The following KIAA0513 variants were observed in gnomAD, a reference collection of about 807,000 sequenced individuals.
The protein encoded by KIAA0513 is uncharacterized protein KIAA0513.
Under a neutral mutation model 56.5 loss-of-function variants are expected in KIAA0513, and 39 were observed. The ratio of observed to expected loss-of-function variants is 0.69; its 90% CI spans 0.53 to 0.90. KIAA0513 has a LOEUF of 0.90. Among genes scored for constraint, KIAA0513 ranks in the 40% least tolerant of loss-of-function variants. The pLI is 0.00. For synonymous variants in KIAA0513, 268 were observed against 215.6 expected (o/e 1.24, Z -2.13); for missense variants, 591 against 535.2 (o/e 1.10, Z -1.03).
Position 85,071,853 on chromosome 16 carries a change from G to A in KIAA0513, c.400G>A (p.Glu134Lys), listed in dbSNP as rs758973173. ...CAGCAGTGAAAATGGAAAAGGCCGG[G>A]AGTGGTTTGCTCGATACGTGAGTGC... is the stretch of plus-strand genomic sequence containing the variant. The part of the protein sequence containing the change: ...YCSSENGKGR[E>K]WFARYVSAQR... Residue 134 changes from glutamate to lysine, a missense_variant, in exon 3 of 13, where the codon GAG (glutamate) becomes AAG (lysine). Transcript: ENST00000683363. The A allele has an allele frequency of 6.2e-7, 1 of 1,613,212 alleles. No homozygotes were observed. The highest frequency in any genetic ancestry group is 8.5e-7 in the Non-Finnish European group (1 of 1,179,744).
At chr16:85,087,683 C>T (rs1031238534) in intron 12 of KIAA0513, among the ~76,000 whole-genome samples, 2 of 152,178 alleles carry the variant, frequency 1.3e-5, no homozygotes, top group African/African-American at 4.8e-5. Context: ...TCCCTGTGTG[C>T]CCCCGCCATC....
chr16:85,074,950 G>A (rs1485097832), intron 4 of KIAA0513, among the ~76,000 whole-genome samples: 2 of 151,524 alleles, frequency 1.3e-5, no homozygotes, highest in Non-Finnish European at 2.9e-5. Context: ...GTAACGTTGG[G>A]GAGGGAGGGG....
At chr16:85,047,647 T>C (rs1327206756) in intron 1 of KIAA0513, among the ~76,000 whole-genome samples, 1 of 152,204 alleles carries the variant, frequency 6.6e-6, no homozygotes, top group Non-Finnish European at 1.5e-5. Flanking sequence ...TGGAATTTCC[T>C]GGGGACCAGG....
At chr16:85,033,516 G>A (rs1046387680) in intron 1 of KIAA0513, among the ~76,000 whole-genome samples, 4 of 152,214 alleles carry the variant, frequency 2.6e-5, no homozygotes, top group African/African-American at 7.2e-5. Context: ...GCCCAGAGGC[G>A]GTGGCGTATG....
chr16:85,057,831 C>T (rs1186919562), intron 1 of KIAA0513, among the ~76,000 whole-genome samples: 4 of 150,088 alleles, frequency 2.7e-5, no homozygotes, highest in South Asian at 2.1e-4. Context: ...CTGCCTCTTT[C>T]AAGCCAGCAC....
At chr16:85,044,802 A>T (rs2073149770) in intron 1 of KIAA0513, among the ~76,000 whole-genome samples, 1 of 151,130 alleles carries the variant, frequency 6.6e-6, no homozygotes, top group African/African-American at 2.4e-5. Context: ...CACTGTGCCC[A>T]GGCAGTAATG....
chr16:85,083,265 A>T (rs566346994), intron 10 of KIAA0513, among the ~76,000 whole-genome samples: 1 of 152,104 alleles, frequency 6.6e-6, no homozygotes. Flanking sequence ...GTGGGCTCGA[A>T]TCCTTTGTGA....
intron 1 of KIAA0513, among the ~76,000 whole-genome samples, chr16:85,056,198 A>G (rs892312684): frequency 6.6e-6 from 1 of 152,348 alleles, no homozygotes; most frequent in South Asian, 2.1e-4. Flanking sequence ...GTGGGGATCC[A>G]GGATCCCAGA....
chr16:85,071,992 G>A, intron 3 of KIAA0513, 110 bp downstream of exon 3: 2 of 752,952 alleles, frequency 2.7e-6, no homozygotes, highest in Non-Finnish European at 4.5e-6. Context: ...AAAGAGTCAA[G>A]GGAAAGGACC....
intron 1 of KIAA0513, among the ~76,000 whole-genome samples, chr16:85,056,316 C>T (rs1009059974): frequency 7.9e-5 from 12 of 152,194 alleles, no homozygotes; most frequent in African/African-American, 2.7e-4. Flanking sequence ...GGCCCCCTCT[C>T]AACACCGCCA....
chr16:85,050,648 T>A (rs985572460), intron 1 of KIAA0513, among the ~76,000 whole-genome samples: 5 of 152,174 alleles, frequency 3.3e-5, no homozygotes, highest in African/African-American at 1.2e-4. Flanking sequence ...GTGTTTCTTT[T>A]CTTCCCTCCC....
At chr16:85,033,267 G>A (rs1026532692) in intron 1 of KIAA0513, among the ~76,000 whole-genome samples, 2 of 152,126 alleles carry the variant, frequency 1.3e-5, no homozygotes, top group African/African-American at 4.8e-5. Context: ...ACTTCTGATT[G>A]CAGAGCCCAC....
chr16:85,070,973 C>T (rs2073564556), intron 2 of KIAA0513, among the ~76,000 whole-genome samples: 2 of 152,240 alleles, frequency 1.3e-5, no homozygotes, highest in Admixed American at 6.5e-5. Context: ...CATATTTCAT[C>T]TGATGCTGTT....
chr16:85,043,151 A>G (rs2073125686), intron 1 of KIAA0513, among the ~76,000 whole-genome samples: 1 of 152,204 alleles, frequency 6.6e-6, no homozygotes, highest in Admixed American at 6.5e-5. Flanking sequence ...TAATTTTGAT[A>G]GGTACAGTAG....
intron 4 of KIAA0513, among the ~76,000 whole-genome samples, chr16:85,074,383 G>T (rs138568437): frequency 6.6e-6 from 1 of 150,970 alleles, no homozygotes; most frequent in East Asian, 1.9e-4. Context: ...TAGTAGAGAT[G>T]AAGTCATCAG....
intron 1 of KIAA0513, among the ~76,000 whole-genome samples, chr16:85,054,421 C>CTTTTTTTTTTTTT (rs398042273): frequency 1.3e-4 from 16 of 119,552 alleles, no homozygotes; most frequent in South Asian, 5.5e-4. Flanking sequence ...TTTTTCTTTT[C>CTTTTTTTTTTTTT]TTTTTTTTTT....
intron 1 of KIAA0513, among the ~76,000 whole-genome samples, chr16:85,036,057 C>T (rs957608134): frequency 3.9e-5 from 6 of 152,000 alleles, no homozygotes; most frequent in African/African-American, 1.4e-4. Context: ...TCAAGCAATC[C>T]TACCGCCTTG....
chr16:85,048,019 A>G (rs531277558), intron 1 of KIAA0513, among the ~76,000 whole-genome samples: 1 of 152,224 alleles, frequency 6.6e-6, no homozygotes, highest in Non-Finnish European at 1.5e-5. Flanking sequence ...ACCATAAGGA[A>G]ACCAGAACCA....
At chr16:85,041,904 G>A (rs1028625265) in intron 1 of KIAA0513, among the ~76,000 whole-genome samples, 47 of 152,274 alleles carry the variant, frequency 3.1e-4, no homozygotes, top group African/African-American at 1.1e-3. Context: ...TCAGTGTCCC[G>A]CTCTTGAAAC....
Sources: allele counts gnomAD v4.1 joint callset (sites outside exome capture counted in the v4.1 genomes callset), GRCh38; gene constraint gnomAD v4.1.1; transcripts MANE v1.5; gene names NCBI Gene and HGNC (gene_info 2026-07-23, HGNC 2026-07-21).